The following PCDH9 variants were observed in gnomAD, a reference collection of about 807,000 sequenced individuals.
The protein encoded by PCDH9 is protocadherin-9.
A neutral mutation model predicts 70.6 loss-of-function variants in PCDH9; 24 were observed. The ratio of observed to expected loss-of-function variants is 0.34; its 90% CI spans 0.25 to 0.48. PCDH9 has a LOEUF of 0.48. PCDH9 is among the 20% of genes least tolerant of loss of function. The pLI is 0.99. For synonymous variants in PCDH9, 562 were observed against 558.5 expected (o/e 1.01, Z -0.09); for missense variants, 1,281 against 1,503.6 (o/e 0.85, Z 2.45).
intron 3 of PCDH9, among the ~76,000 whole-genome samples, chr13:66,651,796 T>C (rs1188483903): frequency 6.6e-6 from 1 of 151,982 alleles, no homozygotes; most frequent in Non-Finnish European, 1.5e-5. Flanking sequence ...CAACAACACA[T>C]TAAAGGTAAC....
intron 4 of PCDH9, among the ~76,000 whole-genome samples, chr13:66,486,133 T>C (rs1958935869): frequency 6.6e-6 from 1 of 152,146 alleles, no homozygotes; most frequent in Admixed American, 6.5e-5. Flanking sequence ...TTCTCAACTT[T>C]AGAGAAGACT....
Position 67,157,868 on chromosome 13 carries a change from A to T in PCDH9, c.3036+67537T>A, listed in dbSNP as rs1219415094. ...CCTTAATGGGCATCATCATTTCTTCATTGCCAGCATAATTCTCTCAGTCTG... is the reference window on the plus strand; with the variant it reads ...CCTTAATGGGCATCATCATTTCTTCTTTGCCAGCATAATTCTCTCAGTCTG... On this transcript the variant is annotated intron_variant, in intron 2 of 4. Coordinates refer to ENST00000377865, the MANE Select transcript of PCDH9 (RefSeq NM_203487.3). 2.0e-5 allele frequency among the ~76,000 whole-genome samples: 3 copies of T among 152,274 alleles called. No homozygotes were observed. The South Asian group carries it at 6.2e-4, about 32-fold the overall frequency.
At chr13:66,766,181 C>T (rs753178348) in intron 3 of PCDH9, among the ~76,000 whole-genome samples, 46 of 151,660 alleles carry the variant, frequency 3.0e-4, no homozygotes, top group Non-Finnish European at 3.1e-4. Flanking sequence ...AGCCATAAGC[C>T]AGATACAAGT....
chr13:66,543,009 T>A (rs1961030847), intron 4 of PCDH9, among the ~76,000 whole-genome samples: 1 of 151,720 alleles, frequency 6.6e-6, no homozygotes, highest in Admixed American at 6.6e-5. Flanking sequence ...GCAACTTTCC[T>A]TAGAAGAAAT....
At chr13:66,786,964 G>A (rs78059312) in intron 3 of PCDH9, among the ~76,000 whole-genome samples, 356 of 152,234 alleles carry the variant, frequency 2.3e-3, no homozygotes, top group Non-Finnish European at 4.3e-3. Flanking sequence ...AAGACAATAC[G>A]TATGATAGTG....
At chr13:66,604,174 T>A (rs1344149716) in intron 4 of PCDH9, among the ~76,000 whole-genome samples, 1 of 152,090 alleles carries the variant, frequency 6.6e-6, no homozygotes, top group African/African-American at 2.4e-5. Context: ...TCTTATGCTT[T>A]CTTTGACTTT....
intron 2 of PCDH9, among the ~76,000 whole-genome samples, chr13:67,052,062 G>A (rs1326193198): frequency 6.6e-6 from 1 of 152,122 alleles, no homozygotes; most frequent in Non-Finnish European, 1.5e-5. Context: ...CATCTTCAAA[G>A]TCACTCTGCT....
At chr13:66,772,835 T>C (rs541503264) in intron 3 of PCDH9, among the ~76,000 whole-genome samples, 1 of 152,074 alleles carries the variant, frequency 6.6e-6, no homozygotes, top group Admixed American at 6.5e-5. Context: ...TCAATATTTA[T>C]ATTTGGCATA....
intron 2 of PCDH9, among the ~76,000 whole-genome samples, chr13:67,062,924 C>A (rs1427556007): frequency 6.6e-6 from 1 of 152,098 alleles, no homozygotes; most frequent in African/African-American, 2.4e-5. Flanking sequence ...TAATCAAGAT[C>A]AGCTTTTATT....
At chr13:66,773,528 G>GT (rs1307146445) in intron 3 of PCDH9, among the ~76,000 whole-genome samples, 1 of 151,630 alleles carries the variant, frequency 6.6e-6, no homozygotes, top group African/African-American at 2.4e-5. Flanking sequence ...CTTCTCGGAG[G>GT]TTGAGGCAGG....
At chr13:66,914,901 T>C (rs1404852101) in intron 2 of PCDH9, 1 of 151,742 alleles carries the variant, frequency 6.6e-6, no homozygotes, top group African/African-American at 2.4e-5. Context: ...GTAGATAGTG[T>C]TATTTCTACA....
chr13:67,199,316 T>A (rs2089152388), intron 2 of PCDH9, among the ~76,000 whole-genome samples: 1 of 151,810 alleles, frequency 6.6e-6, no homozygotes, highest in East Asian at 1.9e-4. Flanking sequence ...TAGTTTTTTT[T>A]TATAAAAATA....
chr13:66,934,790 G>C (rs1431103012), intron 2 of PCDH9, among the ~76,000 whole-genome samples: 17 of 114,644 alleles, frequency 1.5e-4, no homozygotes, highest in African/African-American at 4.4e-4. Flanking sequence ...GCGCGATCTC[G>C]GCTCACTGCA....
chr13:66,957,630 C>T (rs547325198), intron 2 of PCDH9, among the ~76,000 whole-genome samples: 1 of 152,212 alleles, frequency 6.6e-6, no homozygotes, highest in African/African-American at 2.4e-5. Context: ...AAATGGGGCC[C>T]TCATGATGGA....
intron 2 of PCDH9, chr13:67,220,535 T>C (rs1372356180): frequency 6.6e-6 from 1 of 152,002 alleles, no homozygotes; most frequent in Non-Finnish European, 1.5e-5. Context: ...AAGAATATGT[T>C]TACACCATAA....
intron 4 of PCDH9, among the ~76,000 whole-genome samples, chr13:66,494,527 A>C (rs531326825): frequency 2.6e-5 from 4 of 152,228 alleles, no homozygotes; most frequent in Admixed American, 1.3e-4. Context: ...TGCACATCAG[A>C]CTTACCTAAG....
intron 2 of PCDH9, among the ~76,000 whole-genome samples, chr13:67,160,635 G>A (rs890197900): frequency 3.9e-5 from 6 of 152,002 alleles, no homozygotes; most frequent in Admixed American, 6.5e-5. Context: ...ACAACATGCA[G>A]GTTGAAATAC....
chr13:66,443,648 G>A (rs1246352766), intron 4 of PCDH9, among the ~76,000 whole-genome samples: 7 of 151,964 alleles, frequency 4.6e-5, no homozygotes, highest in Non-Finnish European at 1.0e-4. Context: ...ATGATTACAT[G>A]AAGAGTTTTT....
intron 3 of PCDH9, among the ~76,000 whole-genome samples, chr13:66,728,722 T>C (rs1398076704): frequency 6.6e-6 from 1 of 152,106 alleles, no homozygotes; most frequent in Non-Finnish European, 1.5e-5. Flanking sequence ...TCTGTAGTAA[T>C]CCATTACTCT....
Sources: gnomAD v4.1 joint callset for allele counts (sites outside exome capture counted in the v4.1 genomes callset) on GRCh38, gnomAD v4.1.1 for gene constraint, MANE v1.5 for transcripts, NCBI Gene and HGNC (gene_info 2026-07-23, HGNC 2026-07-21) for gene names.